The following DRC11 variants were observed in gnomAD, a reference collection of about 807,000 sequenced individuals.
DRC11 encodes IQ and AAA domain-containing protein 1.
chr2:236,446,987 C>T, the DRC11 span, among the ~76,000 whole-genome samples: 4 of 150,796 alleles, frequency 2.7e-5, no homozygotes, highest in South Asian at 8.3e-4. The surrounding 1 kb of genome is among the most constrained non-coding windows in gnomAD (Gnocchi z 6.2). Flanking sequence ...GTGCCTCATC[C>T]CAATCAGACA....
At chr2:236,309,993 G>A in the DRC11 span, among the ~76,000 whole-genome samples, 1 of 152,250 alleles carries the variant, frequency 6.6e-6, no homozygotes, top group African/African-American at 2.4e-5. This position sits in a 1 kb window ranked among gnomAD's most constrained non-coding sequence, Gnocchi z 5.7. Context: ...GCTCTCTGGT[G>A]CTGCCTGTGC....
chr2:236,417,530 G>A, the DRC11 span, among the ~76,000 whole-genome samples: 1 of 151,522 alleles, frequency 6.6e-6, no homozygotes, highest in Admixed American at 6.6e-5. Context: ...AAGAGCTGAT[G>A]CAGACTGGAG....
chr2:236,501,440 C>T, the DRC11 span, among the ~76,000 whole-genome samples: 1 of 152,160 alleles, frequency 6.6e-6, no homozygotes, highest in Middle Eastern at 3.2e-3. Flanking sequence ...AAAAGAACAA[C>T]AACAAAAGCA....
the DRC11 span, among the ~76,000 whole-genome samples, chr2:236,352,188 A>C: frequency 6.6e-6 from 1 of 151,902 alleles, no homozygotes; most frequent in South Asian, 2.1e-4. The surrounding 1 kb of genome is among the most constrained non-coding windows in gnomAD (Gnocchi z 7.0). Flanking sequence ...CCAGGGGGCC[A>C]ATGAGCAGGA....
At chr2:236,455,696 C>G in the DRC11 span, among the ~76,000 whole-genome samples, 2 of 152,190 alleles carry the variant, frequency 1.3e-5, no homozygotes. This position sits in a 1 kb window ranked among gnomAD's most constrained non-coding sequence, Gnocchi z 5.7. Context: ...AACGACAAAG[C>G]TGAACTCGCA....
the DRC11 span, among the ~76,000 whole-genome samples, chr2:236,493,438 T>C: frequency 7.6e-3 from 1,152 of 152,330 alleles, 13 homozygotes; most frequent in African/African-American, 0.027. Context: ...TTAATTATTT[T>C]ACATGAACAA....
the DRC11 span, among the ~76,000 whole-genome samples, chr2:236,308,932 TCTG>T: frequency 1.3e-5 from 2 of 152,216 alleles, no homozygotes; most frequent in Non-Finnish European, 2.9e-5. The surrounding 1 kb of genome is among the most constrained non-coding windows in gnomAD (Gnocchi z 6.0). Context: ...AACACGTGCT[TCTG>T]CTGCAGGGGA....
chr2:236,405,973 G>T, the DRC11 span, among the ~76,000 whole-genome samples: 1 of 152,196 alleles, frequency 6.6e-6, no homozygotes, highest in Admixed American at 6.5e-5. This position sits in a 1 kb window ranked among gnomAD's most constrained non-coding sequence, Gnocchi z 4.6. Context: ...AACTGGAACT[G>T]CGAAAAGTGA....
the DRC11 span, chr2:236,363,948 C>T: frequency 6.2e-7 from 1 of 1,613,858 alleles, no homozygotes; most frequent in African/African-American, 1.3e-5. The surrounding 1 kb of genome is among the most constrained non-coding windows in gnomAD (Gnocchi z 5.6). Context: ...GCGATTTCAC[C>T]AAAGGAGCTT....
the DRC11 span, among the ~76,000 whole-genome samples, chr2:236,484,867 C>T: frequency 2.6e-5 from 4 of 152,186 alleles, no homozygotes; most frequent in Non-Finnish European, 5.9e-5. Context: ...CTTCTCAGCC[C>T]CCATTCCTTG....
At chr2:236,331,251 A>T in the DRC11 span, 1 of 787,618 alleles carries the variant, frequency 1.3e-6, no homozygotes, top group Non-Finnish European at 2.1e-6. The surrounding 1 kb of genome is among the most constrained non-coding windows in gnomAD (Gnocchi z 4.8). Flanking sequence ...TCCAAATTTC[A>T]CTGTATATGG....
the DRC11 span, chr2:236,392,010 T>C: frequency 6.2e-7 from 1 of 1,613,972 alleles, no homozygotes. This position sits in a 1 kb window ranked among gnomAD's most constrained non-coding sequence, Gnocchi z 5.1. Flanking sequence ...CACTGGGCGC[T>C]CCCTTTCTCT....
At chr2:236,349,652 TTA>T in the DRC11 span, among the ~76,000 whole-genome samples, 1 of 152,162 alleles carries the variant, frequency 6.6e-6, no homozygotes, top group African/African-American at 2.4e-5. The surrounding 1 kb of genome is among the most constrained non-coding windows in gnomAD (Gnocchi z 5.5). Flanking sequence ...TTATTCTCAC[TTA>T]TAAGTGGCAG....
At chr2:236,359,530 T>C in the DRC11 span, among the ~76,000 whole-genome samples, 2 of 152,112 alleles carry the variant, frequency 1.3e-5, no homozygotes, top group African/African-American at 4.8e-5. This position sits in a 1 kb window ranked among gnomAD's most constrained non-coding sequence, Gnocchi z 4.3. Context: ...TAACAGGACT[T>C]CTCTCTAGGA....
the DRC11 span, among the ~76,000 whole-genome samples, chr2:236,320,332 G>T: frequency 6.6e-6 from 1 of 152,204 alleles, no homozygotes; most frequent in Non-Finnish European, 1.5e-5. Flanking sequence ...TTCAAGGACA[G>T]GACAAGCCAC....
chr2:236,497,087 T>A, the DRC11 span: 1 of 1,127,290 alleles, frequency 8.9e-7, no homozygotes. The surrounding 1 kb of genome is among the most constrained non-coding windows in gnomAD (Gnocchi z 5.1). Context: ...CTGTAGAGTA[T>A]CGTGTACAGA....
chr2:236,419,119 A>G, the DRC11 span: 67 of 1,507,204 alleles, frequency 4.4e-5, no homozygotes, highest in Non-Finnish European at 5.7e-5. This position sits in a 1 kb window ranked among gnomAD's most constrained non-coding sequence, Gnocchi z 4.8. Context: ...AATGAAATCA[A>G]ATTTCTAAAA....
chr2:236,425,386 C>T, the DRC11 span, among the ~76,000 whole-genome samples: 1 of 151,696 alleles, frequency 6.6e-6, no homozygotes, highest in Non-Finnish European at 1.5e-5. Flanking sequence ...GTTTAATTTG[C>T]GTATGTCTGT....
the DRC11 span, chr2:236,465,811 C>A: frequency 1.4e-6 from 1 of 724,972 alleles, no homozygotes; most frequent in Non-Finnish European, 2.4e-6. The surrounding 1 kb of genome is among the most constrained non-coding windows in gnomAD (Gnocchi z 6.2). Context: ...TCCATAGTGT[C>A]TAGCAAAGGC....
Sources: gnomAD v4.1 joint callset for allele counts (sites outside exome capture counted in the v4.1 genomes callset) on GRCh38, gnomAD v4.1.1 for gene constraint, Gnocchi (gnomAD v3.1) non-coding constraint, MANE v1.5 for transcripts, NCBI Gene and HGNC (gene_info 2026-07-23, HGNC 2026-07-21) for gene names.